Variants in FZD6 observed in about 807,000 individuals in gnomAD.
The protein encoded by FZD6 is frizzled class receptor 6, also known as frizzled-6.
A neutral mutation model predicts 61.4 loss-of-function variants in FZD6; 49 were observed. The ratio of observed to expected loss-of-function variants is 0.80; its 90% confidence interval spans 0.63 to 1.01. FZD6 has a LOEUF of 1.01. Ranked by LOEUF, FZD6 falls within the 50% of genes least tolerant of loss-of-function variation. The pLI, the probability that FZD6 is intolerant of heterozygous loss-of-function variation, is 0.00. For synonymous variants in FZD6, 265 were observed against 292.2 expected, an observed-to-expected ratio of 0.91 and a Z score of 0.95; for missense variants, 724 against 848.2, an observed-to-expected ratio of 0.85 and a Z score of 1.82.
chr8:103,328,702 A>G (rs1815027791), intron 5 of FZD6, among the ~76,000 whole-genome samples: 1 of 151,704 alleles, frequency 6.6e-6, no homozygotes, highest in African/African-American at 2.4e-5. Context: ...TTTTCTTTTC[A>G]TGATTTATAG....
Position 103,325,411 on chromosome 8 carries a change from C to A in FZD6, c.1305C>A (p.Tyr435Ter). The A allele has an allele frequency of 6.2e-7, 1 of 1,612,954 alleles. No homozygotes were observed. Among genetic ancestry groups the A allele is most frequent in the African/African-American group, 1.3e-5 (1 of 75,004 alleles). Residue 435 changes from tyrosine (Y) to a stop codon, truncating the protein, a stop_gained, in exon 4 of 7, where the codon TAC becomes TAA. Coordinates refer to ENST00000358755, the MANE Select transcript of FZD6 (RefSeq NM_003506.4). LOFTEE classifies it high-confidence loss of function. ...LVPLVTLLGC[Y>*]VYEQVNRITW... The stretch of plus-strand genomic sequence containing the variant: ...CATTAGTGACACTTCTCGGATGTTA[C>A]GTCTATGAGCAAGTGAACAGGATTA...
chr8:103,324,646 G>A lies in FZD6; in HGVS notation c.540G>A (p.Gln180=), dbSNP rs1814887674. 1.2e-6 allele frequency: 2 copies of A among 1,614,172 alleles called. No individual in the cohort carries two copies. Among genetic ancestry groups the A allele is most frequent in the East Asian group, 2.2e-5 (1 of 44,878 alleles). ...GATATAAGTTTCTGGGAATTGACCAGTGTGCGCCTCCATGCCCCAACATGT... is the reference window on the plus strand; with the variant it reads ...GATATAAGTTTCTGGGAATTGACCAATGTGCGCCTCCATGCCCCAACATGT... ...GQGYKFLGID[Q]CAPPCPNMYF... The change falls in exon 4 of 7, where the codon CAG becomes CAA. Residue 180 remains glutamine, a synonymous_variant. Transcript: ENST00000358755.
In FZD6 at chr8:103,331,550, C is replaced by T; in HGVS notation, c.*41C>T. ...GTTACTCAGAAGCAAATTTGTGTTA[C>T]ACTGGAAGTGACCTATGCACTGTTT... On this transcript the variant is annotated 3_prime_UTR_variant, in exon 7 of 7. Coordinates refer to ENST00000358755, the MANE Select transcript of FZD6 (RefSeq NM_003506.4). 2 of 1,325,654 alleles carry T rather than the reference C, an allele frequency of 1.5e-6. No homozygotes were observed. The highest frequency in any genetic ancestry group is 1.2e-5 in the South Asian group (1 of 84,588). The allele number at this position is 1,325,654 out of a possible 1,614,324, so 82.1% of individuals were successfully genotyped here. A position where few individuals can be genotyped will look rare whatever the true frequency, so the allele number is the denominator to read the frequency against.
At position 103,329,783 on chromosome 8, in the gene FZD6, C is replaced by T. The variant is rs145774645; in HGVS notation, c.1670C>T (p.Ser557Phe). Residue 557 changes from serine to phenylalanine, a missense_variant, in exon 6 of 7, where the codon TCC becomes TTC. Transcript: ENST00000358755. ...CACAAGCTGAAGGTCATTTCCAAAT[C>T]CATGGGAACCAGCACAGGAGCTACA... ...SSHKLKVISKSMGTSTGATAN... is the reference protein window; with the variant it reads ...SSHKLKVISKFMGTSTGATAN... 10 of 1,614,072 alleles carry T rather than the reference C, an allele frequency of 6.2e-6. No homozygotes were observed. The highest frequency in any genetic ancestry group is 1.7e-5 in the Admixed American group (1 of 60,020).
chr8:103,308,046 A>C (rs1210943854), intron 2 of FZD6, among the ~76,000 whole-genome samples: 1 of 152,228 alleles, frequency 6.6e-6, no homozygotes, highest in African/African-American at 2.4e-5. Context: ...TGCTTCTGGC[A>C]AATGAACTAC....
intron 2 of FZD6, among the ~76,000 whole-genome samples, chr8:103,313,798 G>A (rs1814561272): frequency 7.1e-6 from 1 of 140,758 alleles, no homozygotes; most frequent in African/African-American, 2.7e-5. Context: ...GTGTGTGTGT[G>A]TGTGTCAGGG....
In FZD6 at chr8:103,299,964, C is replaced by T; in HGVS notation, c.-144C>T. 1 of 658,992 alleles carries T rather than the reference C, an allele frequency of 1.5e-6. No homozygotes were observed. The highest frequency in any genetic ancestry group is 2.8e-6 in the Non-Finnish European group (1 of 361,704). The allele number at this position is 658,992 out of a possible 1,614,324, so 40.8% of individuals were successfully genotyped here. ...TCCTTTTGTTTTTACAGTAATTGAC[C>T]CAGGACTCATTTTCAGGAAAGCCTG... On this transcript the variant is annotated 5_prime_UTR_variant, in exon 2 of 7. Coordinates refer to ENST00000358755, the MANE Select transcript of FZD6 (RefSeq NM_003506.4).
Position 103,329,933 on chromosome 8 carries a change from C to A in FZD6, c.1820C>A (p.Thr607Asn), listed in dbSNP as rs757505339. Residue 607 changes from threonine (T) to asparagine (N), a missense_variant, in exon 6 of 7, where the codon ACC becomes AAC. Transcript: ENST00000358755. ...MREVKADGAS[T>N]PRLREQDCGE... ...GAGGTGAAAGCGGACGGAGCTAGCA[C>A]CCCCAGGTTAAGAGAACAGGACTGT... is the stretch of plus-strand genomic sequence containing the variant. The A allele has an allele frequency of 2.5e-6, 4 of 1,614,086 alleles. No homozygotes were observed. The highest frequency in any genetic ancestry group is 3.4e-6 in the Non-Finnish European group (4 of 1,179,988).
In FZD6 at chr8:103,325,131, T is replaced by G; in HGVS notation, c.1025T>G (p.Leu342Arg). ...WGTPGFLTVM[L>R]LAMNKVEGDN... The stretch of plus-strand genomic sequence containing the variant: ...ACACCAGGTTTCCTGACTGTTATGC[T>G]TCTTGCTATGAACAAAGTTGAAGGA... Residue 342 changes from leucine (L) to arginine (R), a missense_variant, in exon 4 of 7, where the codon CTT becomes CGT. Leu to Arg is a moderately radical substitution (Grantham distance 102). Coordinates refer to ENST00000358755, the MANE Select transcript of FZD6 (RefSeq NM_003506.4). 1 of 1,614,160 alleles carries G rather than the reference T, an allele frequency of 6.2e-7. No homozygotes were observed. The highest frequency in any genetic ancestry group is 8.5e-7 in the Non-Finnish European group (1 of 1,179,990).
At chr8:103,307,218 T>C (rs1814361265) in intron 2 of FZD6, among the ~76,000 whole-genome samples, 1 of 152,208 alleles carries the variant, frequency 6.6e-6, no homozygotes, top group Non-Finnish European at 1.5e-5. Context: ...CCCTCTCAAT[T>C]AAAATTCTAG....
intron 2 of FZD6, 71 bp downstream of exon 2, chr8:103,300,355 GTC>G (rs973457330): frequency 2.7e-6 from 3 of 1,130,842 alleles, no homozygotes; most frequent in African/African-American, 1.5e-5. Context: ...GTAAAAATAA[GTC>G]TATTTTTAAA....
At chr8:103,305,930 G>T (rs893107552) in intron 2 of FZD6, among the ~76,000 whole-genome samples, 1 of 152,190 alleles carries the variant, frequency 6.6e-6, no homozygotes, top group African/African-American at 2.4e-5. Context: ...CAAGAATGTG[G>T]CATGTAAATA....
chr8:103,306,494 CTTTTTTTT>C lies in FZD6; in HGVS notation c.177+6230_177+6237del, dbSNP rs71292793. ...CCTGTTGTTTTGCTAAGGTTCATCA[CTTTTTTTT>C]TTTTTTTTTTTTTTTTTTTGAGACA... On this transcript the variant is annotated intron_variant, in intron 2 of 6. Coordinates refer to ENST00000358755, the MANE Select transcript of FZD6 (RefSeq NM_003506.4). 6.1e-5 allele frequency among the ~76,000 whole-genome samples: 4 copies of C among 65,198 alleles called. No individual in the cohort carries two copies. In the East Asian group the frequency reaches 1.8e-3, roughly 29 times the overall value. 42.8% of individuals were successfully genotyped at this position (65,198 alleles called of 152,430 possible).
intron 2 of FZD6, among the ~76,000 whole-genome samples, chr8:103,302,806 C>T (rs1814210804): frequency 6.6e-6 from 1 of 151,828 alleles, no homozygotes. Context: ...CTTGTTAGAC[C>T]AAAAATAAAA....
At chr8:103,303,083 C>T (rs1223840341) in intron 2 of FZD6, among the ~76,000 whole-genome samples, 2 of 152,122 alleles carry the variant, frequency 1.3e-5, no homozygotes, top group East Asian at 3.9e-4. Context: ...GGGTTAAAAT[C>T]CTTCATCATT....
chr8:103,309,349 A>T (rs1365572010), intron 2 of FZD6, among the ~76,000 whole-genome samples: 1 of 152,356 alleles, frequency 6.6e-6, no homozygotes, highest in South Asian at 2.1e-4. Context: ...AGAGGCATAC[A>T]AAGTGCCTGA....
At chr8:103,302,456 A>C (rs1814198784) in intron 2 of FZD6, among the ~76,000 whole-genome samples, 1 of 152,200 alleles carries the variant, frequency 6.6e-6, no homozygotes, top group Non-Finnish European at 1.5e-5. Context: ...AATTATATTG[A>C]AATATAGCTC....
chr8:103,330,499 G>A (rs1815089805), intron 6 of FZD6, among the ~76,000 whole-genome samples: 1 of 152,154 alleles, frequency 6.6e-6, no homozygotes, highest in Non-Finnish European at 1.5e-5. Context: ...AATGGCCATA[G>A]GTGACCAAAA....
intron 2 of FZD6, among the ~76,000 whole-genome samples, chr8:103,302,910 A>G (rs1277268414): frequency 6.6e-6 from 1 of 152,162 alleles, no homozygotes; most frequent in Non-Finnish European, 1.5e-5. Context: ...GTGAGCTATG[A>G]TCGTTCCACT....
Sources: allele counts gnomAD v4.1 joint callset (sites outside exome capture counted in the v4.1 genomes callset), GRCh38; gene constraint gnomAD v4.1.1; transcripts MANE v1.5; gene names NCBI Gene and HGNC (gene_info 2026-07-23, HGNC 2026-07-21).